DESI2: variants seen among roughly 807,000 people sequenced by gnomAD.
DESI2 encodes deubiquitinase DESI2.
A neutral mutation model predicts 24.1 loss-of-function variants in DESI2; 10 were observed. The ratio of observed to expected loss-of-function variants is 0.41; its 90% CI spans 0.26 to 0.70. The LOEUF (loss-of-function observed/expected upper bound fraction) is 0.70. Ranked by LOEUF, DESI2 falls within the 30% of genes least tolerant of loss-of-function variation. The probability of loss-of-function intolerance (pLI) is 0.29; values close to 1 mark genes in which losing one functional copy is unlikely to be tolerated. For synonymous variants in DESI2, 71 were observed against 87.7 expected, an observed-to-expected ratio of 0.81 and a Z score of 1.06; for missense variants, 122 against 234.9, an observed-to-expected ratio of 0.52 and a Z score of 3.14.
Position 244,686,595 on chromosome 1 carries a change from A to T in DESI2, c.43-2A>T. The stretch of plus-strand genomic sequence containing the variant: ...TGAATCTTTTCTTTCTTTTTTTCTC[A>T]GTATTGGATGAACGAATATACCTCA... On this transcript the variant is annotated splice_acceptor_variant, in intron 1 of 4. Coordinates refer to ENST00000302550, the MANE Select transcript of DESI2 (RefSeq NM_016076.5). LOFTEE classifies it high-confidence loss of function. 6.3e-7 allele frequency: 1 copy of T among 1,593,584 alleles called. No individual in the cohort carries two copies. Among genetic ancestry groups the T allele is most frequent in the Non-Finnish European group, 8.6e-7 (1 of 1,161,830 alleles).
chr1:244,700,265 C>T (rs931101373), intron 4 of DESI2, among the ~76,000 whole-genome samples: 49 of 152,116 alleles, frequency 3.2e-4, no homozygotes, highest in African/African-American at 1.2e-3. Flanking sequence ...ACACAGTTCC[C>T]TAGTATTCTC....
intron 4 of DESI2, among the ~76,000 whole-genome samples, chr1:244,700,244 G>A (rs921134608): frequency 4.6e-5 from 7 of 152,118 alleles, no homozygotes; most frequent in African/African-American, 1.7e-4. Context: ...ACTGGGTCTT[G>A]GGCATCCCTG....
chr1:244,689,885 C>A lies in DESI2; in HGVS notation c.209+543C>A, dbSNP rs1460288258. On this transcript the variant is annotated intron_variant, in intron 3 of 4. Transcript: ENST00000302550. This position sits in a 1 kb window ranked among gnomAD's most constrained non-coding sequence, Gnocchi z 4.0. ...GAGAAAAAGTTTTATTGTGACCTACCTAGCAAATTAAAAATGTCTTTATTG... is the reference window on the plus strand; with the variant it reads ...GAGAAAAAGTTTTATTGTGACCTACATAGCAAATTAAAAATGTCTTTATTG... 2.0e-5 allele frequency among the ~76,000 whole-genome samples: 3 copies of A among 152,152 alleles called. No homozygotes were observed. The highest frequency in any genetic ancestry group is 7.2e-5 in the African/African-American group (3 of 41,448).
At chr1:244,699,322 G>T (rs1484211509) in intron 4 of DESI2, among the ~76,000 whole-genome samples, 1 of 152,102 alleles carries the variant, frequency 6.6e-6, no homozygotes, top group Non-Finnish European at 1.5e-5. Context: ...GGTGGCTCAT[G>T]CCTGTAATCC....
intron 1 of DESI2, among the ~76,000 whole-genome samples, chr1:244,667,239 T>C (rs1467002984): frequency 6.6e-6 from 1 of 152,174 alleles, no homozygotes; most frequent in Non-Finnish European, 1.5e-5. Context: ...AGTCCCTTCC[T>C]ATGAGCCTGT....
rs1257616299 is a variant in DESI2, at chr1:244,653,157, C to T, written c.-157C>T. Reference sequence around the variant, plus strand: ...TCCTGTCGGCGGCGCCCGGGAGCGGCTCGGCTGCCCGATGCTTCCGCCCCG... The same window carrying T: ...TCCTGTCGGCGGCGCCCGGGAGCGGTTCGGCTGCCCGATGCTTCCGCCCCG... On this transcript the variant is annotated 5_prime_UTR_variant, in exon 1 of 5. Coordinates refer to ENST00000302550, the MANE Select transcript of DESI2 (RefSeq NM_016076.5). The T allele has an allele frequency of 7.3e-6, 5 of 685,260 alleles. No individual in the cohort carries two copies. The highest frequency in any genetic ancestry group is 3.8e-5 in the African/African-American group (2 of 53,242). 42.4% of individuals were successfully genotyped at this position (685,260 alleles called of 1,614,324 possible). A position where few individuals can be genotyped will look rare whatever the true frequency, so the allele number is the denominator to read the frequency against.
intron 4 of DESI2, among the ~76,000 whole-genome samples, chr1:244,701,317 G>T (rs1175514900): frequency 6.8e-6 from 1 of 146,298 alleles, no homozygotes; most frequent in African/African-American, 2.5e-5. Context: ...ATGGAGATGG[G>T]ATTATTCAGG....
chr1:244,691,834 A>G (rs1177683642), intron 3 of DESI2, 45 bp from the exon 4 acceptor site: 10 of 1,443,394 alleles, frequency 6.9e-6, no homozygotes, highest in African/African-American at 5.8e-5. Context: ...TGACACAACT[A>G]TGTCCTTATT....
intron 4 of DESI2, among the ~76,000 whole-genome samples, chr1:244,696,045 C>A (rs1433554062): frequency 6.6e-6 from 1 of 152,142 alleles, no homozygotes; most frequent in East Asian, 1.9e-4. Context: ...CCTGGGATTA[C>A]CTGCATGAGC....
At chr1:244,702,081 T>C (rs1677486380) in intron 4 of DESI2, among the ~76,000 whole-genome samples, 1 of 152,232 alleles carries the variant, frequency 6.6e-6, no homozygotes, top group Admixed American at 6.5e-5. Context: ...ACATTTTGCA[T>C]TGTGACCCAG....
chr1:244,677,073 C>T (rs570303224), intron 1 of DESI2, among the ~76,000 whole-genome samples: 34 of 152,058 alleles, frequency 2.2e-4, no homozygotes, highest in African/African-American at 8.0e-4. Flanking sequence ...TATCTGGCCT[C>T]ATAGAATGAG....
In DESI2 at chr1:244,686,688, T is replaced by TA. The variant is rs2148805130; in HGVS notation, c.115+22dup. The TA allele has an allele frequency of 6.6e-7, 1 of 1,506,660 alleles. No individual in the cohort carries two copies. Among genetic ancestry groups the TA allele is most frequent in the Admixed American group, 1.7e-5 (1 of 59,478 alleles). The allele number at this position is 1,506,660 out of a possible 1,614,324, so 93.3% of individuals were successfully genotyped here. On this transcript the variant is annotated intron_variant, in intron 2 of 4. Transcript: ENST00000302550. Reference sequence around the variant, plus strand: ...GGCAGAGGTACGTGTACACACAGTCTAAATATACTCTCTGAAGATTTTGTA... The same window carrying TA: ...GGCAGAGGTACGTGTACACACAGTCTAAAATATACTCTCTGAAGATTTTGTA...
At chr1:244,688,123 CAT>C (rs374591806) in intron 2 of DESI2, among the ~76,000 whole-genome samples, 183 of 152,224 alleles carry the variant, frequency 1.2e-3, no homozygotes, top group African/African-American at 4.3e-3. Context: ...TAATTAGAAA[CAT>C]GTTTCAAAAC....
chr1:244,661,422 T>G (rs187170533), intron 1 of DESI2, among the ~76,000 whole-genome samples: 32 of 152,290 alleles, frequency 2.1e-4, no homozygotes, highest in Admixed American at 1.3e-4. Context: ...TTTTTTTTAT[T>G]ATTATACTTT....
Position 244,708,794 on chromosome 1 carries a change from T to C in DESI2, c.*3005T>C, listed in dbSNP as rs1347166080. 1 of 152,670 alleles carries C rather than the reference T, an allele frequency of 6.6e-6. No homozygotes were observed. Among genetic ancestry groups the C allele is most frequent in the Non-Finnish European group, 1.5e-5 (1 of 68,046 alleles). The allele number at this position is 152,670 out of a possible 1,614,324, so 9.5% of individuals were successfully genotyped here. A position where few individuals can be genotyped will look rare whatever the true frequency, so the allele number is the denominator to read the frequency against. On this transcript the variant is annotated 3_prime_UTR_variant, in exon 5 of 5. Transcript: ENST00000302550. Reference sequence around the variant, plus strand: ...AGAGCCCAGATCAGTTAGTAGGCTTTCGTTGTCTTCTCTTTCAATACATGT... The same window carrying C: ...AGAGCCCAGATCAGTTAGTAGGCTTCCGTTGTCTTCTCTTTCAATACATGT...
At chr1:244,662,097 C>T (rs1470726726) in intron 1 of DESI2, among the ~76,000 whole-genome samples, 2 of 152,216 alleles carry the variant, frequency 1.3e-5, no homozygotes, top group African/African-American at 2.4e-5. Context: ...TAATGATCGC[C>T]ATTCTAACTG....
rs537211255 is a variant in DESI2, at chr1:244,705,463, C to G, written c.352-93C>G. On this transcript the variant is annotated intron_variant, in intron 4 of 4. Coordinates refer to ENST00000302550, the MANE Select transcript of DESI2 (RefSeq NM_016076.5). Reference sequence around the variant, plus strand: ...GCTAGTCTGCCGTGGCTTCTCTGTACGCCGCCCCCCTCCTCCCACCCTCCA... The same window carrying G: ...GCTAGTCTGCCGTGGCTTCTCTGTAGGCCGCCCCCCTCCTCCCACCCTCCA... The G allele has an allele frequency of 1.3e-5, 14 of 1,038,550 alleles. No homozygotes were observed. In the South Asian group the frequency reaches 1.7e-4, roughly 13 times the overall value. 64.3% of individuals were successfully genotyped at this position (1,038,550 alleles called of 1,614,324 possible). A position where few individuals can be genotyped will look rare whatever the true frequency, so the allele number is the denominator to read the frequency against.
chr1:244,690,263 C>T (rs542314733), intron 3 of DESI2, among the ~76,000 whole-genome samples: 32 of 152,258 alleles, frequency 2.1e-4, no homozygotes, highest in African/African-American at 6.3e-4. Context: ...TGTTCCCCGC[C>T]CTGTGTCCAA....
intron 1 of DESI2, among the ~76,000 whole-genome samples, chr1:244,676,789 G>T (rs1290897710): frequency 6.8e-6 from 1 of 146,852 alleles, no homozygotes; most frequent in Non-Finnish European, 1.5e-5. Flanking sequence ...TTTATATATT[G>T]TATAAAATAT....
Sources: allele counts gnomAD v4.1 joint callset (sites outside exome capture counted in the v4.1 genomes callset), GRCh38; gene constraint gnomAD v4.1.1; non-coding constraint Gnocchi (gnomAD v3.1); transcripts MANE v1.5; gene names NCBI Gene and HGNC (gene_info 2026-07-23, HGNC 2026-07-21).